Variants in ZNF385D observed in about 807,000 individuals in gnomAD.
ZNF385D encodes the protein zinc finger protein 385D.
A neutral mutation model predicts 35.8 loss-of-function variants in ZNF385D; 15 were observed. The ratio of observed to expected loss-of-function variants is 0.42; its 90% CI spans 0.28 to 0.64. The LOEUF is 0.64. Among genes scored for constraint, ZNF385D ranks in the 30% least tolerant of loss-of-function variants. The pLI is 0.23. For synonymous variants in ZNF385D, 212 were observed against 186.8 expected, an observed-to-expected ratio of 1.13 and a Z score of -1.10; for missense variants, 474 against 494.6, an observed-to-expected ratio of 0.96 and a Z score of 0.39.
chr3:21,814,626 G>C (rs1007706105), intron 3 of ZNF385D, among the ~76,000 whole-genome samples: 2 of 152,162 alleles, frequency 1.3e-5, no homozygotes, highest in African/African-American at 4.8e-5. Flanking sequence ...TCAACAAGAA[G>C]AGCTAACTAT....
At chr3:22,110,418 G>C (rs866142349) in intron 3 of ZNF385D, among the ~76,000 whole-genome samples, 43 of 152,174 alleles carry the variant, frequency 2.8e-4, no homozygotes, top group Middle Eastern at 3.4e-3. Context: ...ACTGGATTAA[G>C]AAAATGTGGC....
chr3:22,000,329 G>T (rs181390366), intron 3 of ZNF385D, among the ~76,000 whole-genome samples: 7 of 151,306 alleles, frequency 4.6e-5, no homozygotes. Context: ...CTTATCTGAG[G>T]CACATTGTAG....
intron 2 of ZNF385D, among the ~76,000 whole-genome samples, chr3:22,208,615 A>C (rs1343369740): frequency 6.6e-6 from 1 of 151,734 alleles, no homozygotes; most frequent in Non-Finnish European, 1.5e-5. Flanking sequence ...TGAATACCTC[A>C]TTTCCCCTCA....
chr3:21,756,342 C>A (rs1046736496), intron 3 of ZNF385D, among the ~76,000 whole-genome samples: 4 of 151,970 alleles, frequency 2.6e-5, no homozygotes, highest in Non-Finnish European at 5.9e-5. Flanking sequence ...GAGGACTGAG[C>A]AAATGGAAGG....
intron 7 of ZNF385D, among the ~76,000 whole-genome samples, chr3:21,421,833 G>C (rs113394622): frequency 2.1e-3 from 325 of 152,220 alleles, no homozygotes; most frequent in African/African-American, 7.5e-3. Context: ...TTTTAATGCT[G>C]TCAAATGCCA....
intron 1 of ZNF385D, among the ~76,000 whole-genome samples, chr3:21,695,727 A>G (rs908521319): frequency 6.6e-6 from 1 of 151,224 alleles, no homozygotes; most frequent in South Asian, 2.1e-4. Flanking sequence ...TATCCTTGCT[A>G]GTCAAACTGC....
chr3:21,759,081 T>G (rs2070485250), intron 3 of ZNF385D, among the ~76,000 whole-genome samples: 1 of 149,338 alleles, frequency 6.7e-6, no homozygotes, highest in African/African-American at 2.5e-5. Flanking sequence ...TCAAAGCACT[T>G]AGTATCTCAG....
chr3:21,889,090 G>A (rs1477133628), intron 3 of ZNF385D, among the ~76,000 whole-genome samples: 2 of 152,306 alleles, frequency 1.3e-5, no homozygotes, highest in East Asian at 1.9e-4. Context: ...ACCTTAATAA[G>A]AACAGTTTAG....
intron 3 of ZNF385D, among the ~76,000 whole-genome samples, chr3:21,872,238 C>T (rs977132966): frequency 6.6e-6 from 1 of 152,138 alleles, no homozygotes; most frequent in African/African-American, 2.4e-5. Flanking sequence ...GTGGCGACAA[C>T]TGCCTTTAGC....
At chr3:22,132,867 A>C (rs1334431250) in intron 3 of ZNF385D, among the ~76,000 whole-genome samples, 1 of 152,124 alleles carries the variant, frequency 6.6e-6, no homozygotes, top group Non-Finnish European at 1.5e-5. Flanking sequence ...GATATTTTAA[A>C]ATTTAAGGAA....
Position 22,272,676 on chromosome 3 carries a change from T to C in ZNF385D, c.106+99774A>G, listed in dbSNP as rs144747630. ...TTTAAAAAAAATTCCTCTTAGGATA[T>C]TGTCAGAAAATTTATTGCATTAAGG... On this transcript the variant is annotated intron_variant, in intron 2 of 5. Transcript: ENST00000494108. Among the ~76,000 whole-genome samples the C allele has an allele frequency of 3.0e-3, 456 of 152,180 alleles. 2 individuals carry two copies. Among genetic ancestry groups the C allele is most frequent in the East Asian group, 0.028 (147 of 5,158 alleles).
chr3:21,765,722 C>CAGAGAGAG (rs149537086), intron 3 of ZNF385D, among the ~76,000 whole-genome samples: 8 of 151,378 alleles, frequency 5.3e-5, no homozygotes, highest in Non-Finnish European at 1.0e-4. Flanking sequence ...CATACACACA[C>CAGAGAGAG]AGAGAGAGAA....
intron 2 of ZNF385D, among the ~76,000 whole-genome samples, chr3:21,614,904 T>C (rs998109637): frequency 4.6e-5 from 7 of 152,166 alleles, no homozygotes; most frequent in African/African-American, 1.4e-4. Context: ...TACAGTTTTA[T>C]CAGGTGCAGA....
At chr3:21,772,810 G>A (rs1268842323) in intron 3 of ZNF385D, among the ~76,000 whole-genome samples, 1 of 151,910 alleles carries the variant, frequency 6.6e-6, no homozygotes, top group Non-Finnish European at 1.5e-5. Flanking sequence ...CAACCCAAGT[G>A]TCCACTGACA....
intron 3 of ZNF385D, among the ~76,000 whole-genome samples, chr3:21,994,515 T>TA (rs36014113): frequency 2.9e-5 from 3 of 104,120 alleles, no homozygotes; most frequent in East Asian, 2.5e-4. Context: ...CCATTTTATA[T>TA]TTTTTTTTAG....
At chr3:22,207,891 C>A (rs1198117637) in intron 2 of ZNF385D, among the ~76,000 whole-genome samples, 2 of 151,740 alleles carry the variant, frequency 1.3e-5, no homozygotes, top group East Asian at 3.9e-4. Flanking sequence ...GTCACCTCAC[C>A]CTAGTCAAAA....
rs555763514 is a variant in ZNF385D at position 22,231,009 on chromosome 3, T to C, written c.107-61974A>G. 1.8e-4 allele frequency among the ~76,000 whole-genome samples: 28 copies of C among 151,920 alleles called. No individual in the cohort carries two copies. In the South Asian group the frequency reaches 5.6e-3, roughly 30 times the overall value. On this transcript the variant is annotated intron_variant, in intron 2 of 5. Coordinates refer to the ZNF385D transcript ENST00000494108. ...GGCAATCTCTCTTGGATATACATTT[T>C]ATTACTCAATCTACCCCAATATTGG...
chr3:21,708,578 C>T (rs2125406078), intron 1 of ZNF385D, among the ~76,000 whole-genome samples: 1 of 152,290 alleles, frequency 6.6e-6, no homozygotes, highest in East Asian at 1.9e-4. Context: ...TTTGAAATTA[C>T]TCTATTACAT....
At chr3:21,854,785 T>C (rs1009744126) in intron 3 of ZNF385D, among the ~76,000 whole-genome samples, 92 of 152,112 alleles carry the variant, frequency 6.0e-4, no homozygotes, top group African/African-American at 2.1e-3. Context: ...TGTTGACTGA[T>C]AGATTAACTG....
Sources: allele counts gnomAD v4.1 joint callset (sites outside exome capture counted in the v4.1 genomes callset), GRCh38; gene constraint gnomAD v4.1.1; transcripts MANE v1.5; gene names NCBI Gene and HGNC (gene_info 2026-07-23, HGNC 2026-07-21).